The following PTPRQ variants were observed in gnomAD, a reference collection of about 807,000 sequenced individuals.
PTPRQ encodes phosphatidylinositol phosphatase PTPRQ.
Under a neutral mutation model 246.0 loss-of-function variants are expected in PTPRQ, and 199 were observed. The observed-to-expected ratio is 0.81, with a 90% CI of 0.72 to 0.91. The LOEUF (loss-of-function observed/expected upper bound fraction) is 0.91. Ranked by LOEUF, PTPRQ falls within the 40% of genes least tolerant of loss-of-function variation. The pLI is 0.00. For missense variants in PTPRQ, 2,624 were observed against 2,528.4 expected (o/e 1.04, Z -0.81); for synonymous variants, 869 against 853.2 (o/e 1.02, Z -0.32).
chr12:80,537,774 A>G (rs189066626), intron 19 of PTPRQ, among the ~76,000 whole-genome samples: 1 of 152,222 alleles, frequency 6.6e-6, no homozygotes, highest in Admixed American at 6.5e-5. Context: ...TTACCCACTT[A>G]TGTTTCCTTA....
Position 80,542,784 on chromosome 12 carries a change from T to A in PTPRQ, c.3776T>A (p.Val1259Glu). 4 of 1,549,604 alleles carry A rather than the reference T, an allele frequency of 2.6e-6. No homozygotes were observed. Among genetic ancestry groups the A allele is most frequent in the Non-Finnish European group, 3.5e-6 (4 of 1,146,034 alleles). Residue 1259 changes from valine (V) to glutamate (E), a missense_variant, in exon 23 of 45, where the codon GTA becomes GAA. Physicochemically the swap from Val to Glu is moderately radical, Grantham distance 121. Coordinates refer to ENST00000644991, the MANE Select transcript of PTPRQ (RefSeq NM_001145026.2). ...TTAATCAACTGTACTTCAGACTTTG[T>A]ATGGCTGAAATGGAGCCCAAGTCCT... ...LTLINCTSDF[V>E]WLKWSPSPLP...
intron 3 of PTPRQ, among the ~76,000 whole-genome samples, chr12:80,450,137 C>T (rs1892703967): frequency 6.6e-6 from 1 of 151,888 alleles, no homozygotes; most frequent in African/African-American, 2.4e-5. Flanking sequence ...CTCTTTGAAT[C>T]AATTGTGAAT....
chr12:80,678,933 T>G, intron 44 of PTPRQ, 53 bp from the exon 45 acceptor site: 1 of 1,505,278 alleles, frequency 6.6e-7, no homozygotes, highest in Non-Finnish European at 8.9e-7. Flanking sequence ...AACATTTCAA[T>G]TTTGAACTGT....
chr12:80,566,643 G>A (rs971624236), intron 25 of PTPRQ, among the ~76,000 whole-genome samples: 2 of 151,734 alleles, frequency 1.3e-5, no homozygotes, highest in South Asian at 2.1e-4. Context: ...GGGCTCAAGC[G>A]ATCATCCTGC....
chr12:80,506,706 C>G (rs1354328100), intron 16 of PTPRQ, 36 bp downstream of exon 16: 1 of 1,510,074 alleles, frequency 6.6e-7, no homozygotes, highest in African/African-American at 1.4e-5. Context: ...TACTTTGATT[C>G]TATAACATTC....
chr12:80,535,800 G>A (rs1895968326), intron 19 of PTPRQ, among the ~76,000 whole-genome samples: 1 of 152,160 alleles, frequency 6.6e-6, no homozygotes, highest in Non-Finnish European at 1.5e-5. Context: ...AAGATGCAGA[G>A]AGCTGGAATA....
intron 10 of PTPRQ, among the ~76,000 whole-genome samples, chr12:80,494,010 A>T (rs1375896701): frequency 6.6e-6 from 1 of 151,966 alleles, no homozygotes; most frequent in Non-Finnish European, 1.5e-5. Flanking sequence ...GACACATATT[A>T]TCTCTCTAGT....
rs1354290463 is a variant in PTPRQ, at chr12:80,484,400, C to CT, written c.1187-33_1187-32insT. The stretch of plus-strand genomic sequence containing the variant: ...ACTTGAAAAAATATTTTTAATTTCC[C>CT]CCTTTTCTTTTCTTTCTTTCTTTCT... On this transcript the variant is annotated intron_variant, in intron 8 of 44. Coordinates refer to ENST00000644991, the MANE Select transcript of PTPRQ (RefSeq NM_001145026.2). The CT allele has an allele frequency of 6.4e-6, 9 of 1,402,290 alleles. No individual in the cohort carries two copies. In the Admixed American group the frequency reaches 2.7e-4, roughly 42 times the overall value. The allele number at this position is 1,402,290 out of a possible 1,614,324, so 86.9% of individuals were successfully genotyped here. A position where few individuals can be genotyped will look rare whatever the true frequency, so the allele number is the denominator to read the frequency against.
At chr12:80,490,109 G>A (rs763273594) in intron 9 of PTPRQ, among the ~76,000 whole-genome samples, 2 of 151,910 alleles carry the variant, frequency 1.3e-5, no homozygotes, top group South Asian at 4.1e-4. Flanking sequence ...AACATAAACG[G>A]AGTCAAGACT....
chr12:80,521,656 A>G (rs1482989671), intron 17 of PTPRQ, among the ~76,000 whole-genome samples: 2 of 152,166 alleles, frequency 1.3e-5, no homozygotes, highest in Non-Finnish European at 2.9e-5. Context: ...CAGGTTTGTC[A>G]AAGATCAGAT....
chr12:80,603,147 T>A (rs900019352), intron 26 of PTPRQ, among the ~76,000 whole-genome samples: 2 of 151,770 alleles, frequency 1.3e-5, no homozygotes, highest in Non-Finnish European at 2.9e-5. Flanking sequence ...CCACATCAAA[T>A]TATTCCGAGT....
At chr12:80,668,664 T>G (rs1900865868) in intron 39 of PTPRQ, among the ~76,000 whole-genome samples, 1 of 151,928 alleles carries the variant, frequency 6.6e-6, no homozygotes, top group Non-Finnish European at 1.5e-5. Flanking sequence ...CACAATGATT[T>G]TATAAGAATA....
intron 22 of PTPRQ, 45 bp downstream of exon 22, chr12:80,542,409 C>A (rs768879825): frequency 6.6e-7 from 1 of 1,506,472 alleles, no homozygotes; most frequent in South Asian, 1.3e-5. Context: ...ACTGTTGCAG[C>A]GCCTGCTCTC....
Position 80,486,997 on chromosome 12 carries a change from C to G in PTPRQ, c.1359+2392C>G, listed in dbSNP as rs912918939. On this transcript the variant is annotated intron_variant, in intron 9 of 44. Transcript: ENST00000644991. Reference sequence around the variant, plus strand: ...TGAAAGTTCAAAAAGCTAACTCTCTCTATTTTCTAACTTTTTAGTGAAGAT... The same window carrying G: ...TGAAAGTTCAAAAAGCTAACTCTCTGTATTTTCTAACTTTTTAGTGAAGAT... Among the ~76,000 whole-genome samples the G allele has an allele frequency of 3.3e-5, 5 of 152,256 alleles. No individual in the cohort carries two copies. The South Asian group carries it at 1.0e-3, about 32-fold the overall frequency.
chr12:80,646,540 G>A (rs1472452990), intron 35 of PTPRQ, among the ~76,000 whole-genome samples: 2 of 152,162 alleles, frequency 1.3e-5, no homozygotes, highest in Non-Finnish European at 2.9e-5. Context: ...TTGGTTGATG[G>A]ATGTTTCTTG....
intron 7 of PTPRQ, among the ~76,000 whole-genome samples, chr12:80,470,049 G>A (rs976587735): frequency 6.6e-6 from 1 of 152,220 alleles, no homozygotes; most frequent in Non-Finnish European, 1.5e-5. Flanking sequence ...TGAATAGAGA[G>A]TAAGGGTAGG....
intron 39 of PTPRQ, among the ~76,000 whole-genome samples, chr12:80,664,493 G>A (rs1900724949): frequency 1.3e-5 from 2 of 151,906 alleles, no homozygotes; most frequent in Non-Finnish European, 2.9e-5. Flanking sequence ...CATGGGTTGA[G>A]GAATTCTCCC....
At chr12:80,447,217 C>G (rs1892581543) in intron 3 of PTPRQ, among the ~76,000 whole-genome samples, 1 of 151,900 alleles carries the variant, frequency 6.6e-6, no homozygotes, top group Non-Finnish European at 1.5e-5. Context: ...TGAGAAATGT[C>G]TGTTTATGTT....
chr12:80,533,693 G>A (rs1895907905), intron 17 of PTPRQ, among the ~76,000 whole-genome samples: 1 of 152,000 alleles, frequency 6.6e-6, no homozygotes, highest in Admixed American at 6.6e-5. Flanking sequence ...GAAAACATCA[G>A]TATGAAAGGG....
Sources: gnomAD v4.1 joint callset for allele counts (sites outside exome capture counted in the v4.1 genomes callset) on GRCh38, gnomAD v4.1.1 for gene constraint, MANE v1.5 for transcripts, NCBI Gene and HGNC (gene_info 2026-07-23, HGNC 2026-07-21) for gene names.